The following XAB2 variants were observed in gnomAD, a reference collection of about 807,000 sequenced individuals.
The protein encoded by XAB2 is pre-mRNA-splicing factor SYF1.
XAB2 carries 57 observed loss-of-function variants against 113.4 expected under a neutral mutation model. That is an observed-to-expected ratio of 0.50 (90% CI 0.41 to 0.63). The LOEUF (loss-of-function observed/expected upper bound fraction) is 0.63, where lower values mean the gene tolerates loss of function less well. XAB2 is among the 20% of genes least tolerant of loss of function. The pLI is 0.00. For missense variants in XAB2, 1,037 were observed against 1,233.3 expected (o/e 0.84, Z 2.38); for synonymous variants, 497 against 498.8 (o/e 1.00, Z 0.05).
chr19:7,625,978 C>T lies in XAB2; in HGVS notation c.724G>A (p.Ala242Thr), dbSNP rs1372182545. ...PDKVQSLNVD[A>T]IIRGGLTRFT... is the part of the protein sequence containing the mutation. Reference sequence around the variant, plus strand: ...CGGGTGAGGCCCCCGCGGATGATGGCGTCCACATTGAGGGACTGTACCTTG... The same window carrying T: ...CGGGTGAGGCCCCCGCGGATGATGGTGTCCACATTGAGGGACTGTACCTTG... The change falls in exon 6 of 19, where the codon GCC becomes ACC. Residue 242 changes from alanine (A) to threonine (T), a missense_variant. Ala to Thr is a moderately conservative substitution (Grantham distance 58). Transcript: ENST00000358368. The surrounding 1 kb of genome is among the most constrained non-coding windows in gnomAD (Gnocchi z 5.2). The T allele has an allele frequency of 1.2e-6, 2 of 1,613,820 alleles. No individual in the cohort carries two copies. The highest frequency in any genetic ancestry group is 2.2e-5 in the East Asian group (1 of 44,880).
chr19:7,627,436 G>GATTAC lies in XAB2; in HGVS notation c.328_329insGTAAT (p.Pro110ArgfsTer7). On this transcript the variant is annotated frameshift_variant, in exon 4 of 19. Coordinates refer to ENST00000358368, the MANE Select transcript of XAB2 (RefSeq NM_020196.3). LOFTEE classifies it high-confidence loss of function. This position sits in a 1 kb window ranked among gnomAD's most constrained non-coding sequence, Gnocchi z 4.5. ...CTGGCAGTAATCTAGCCACAGACGAGGCATCTGGGGGTGTGGGGAGAGGCG... is the reference window on the plus strand; with the variant it reads ...CTGGCAGTAATCTAGCCACAGACGAGATTACGCATCTGGGGGTGTGGGGAGAGGCG... The GATTAC allele has an allele frequency of 6.2e-7, 1 of 1,603,616 alleles. No homozygotes were observed. The highest frequency in any genetic ancestry group is 8.5e-7 in the Non-Finnish European group (1 of 1,176,320).
rs201307127 is a variant in XAB2, at chr19:7,621,288, G to A, written c.1627C>T (p.Arg543Cys). The A allele has an allele frequency of 3.0e-4, 484 of 1,612,692 alleles. 1 individual carries two copies. The highest frequency in any genetic ancestry group is 1.0e-4 in the Non-Finnish European group (123 of 1,179,924). The change falls in exon 13 of 19, where the codon CGC becomes TGC. Residue 543 changes from arginine (R) to cysteine (C), a missense_variant. Arg to Cys is a radical substitution (Grantham distance 180). Coordinates refer to ENST00000358368, the MANE Select transcript of XAB2 (RefSeq NM_020196.3). Reference sequence around the variant, plus strand: ...GGCCACTTGAACAGCGAGATGCCGCGCTCGTACGCCTGTTACCAGAGGGAG... The same window carrying A: ...GGCCACTTGAACAGCGAGATGCCGCACTCGTACGCCTGTTACCAGAGGGAG... ...YFEESFKAYE[R>C]GISLFKWPNV...
Position 7,628,997 on chromosome 19 carries a change from T to G in XAB2, c.51+480A>C, listed in dbSNP as rs1293077621. On this transcript the variant is annotated intron_variant, in intron 1 of 18. Coordinates refer to ENST00000358368, the MANE Select transcript of XAB2 (RefSeq NM_020196.3). This position sits in a 1 kb window ranked among gnomAD's most constrained non-coding sequence, Gnocchi z 4.6. ...AGTAAGTATTTCACTGGCCATCGCCTGACAAGCTCCACATCACCAGGGTTC... is the reference window on the plus strand; with the variant it reads ...AGTAAGTATTTCACTGGCCATCGCCGGACAAGCTCCACATCACCAGGGTTC... 2.0e-5 allele frequency among the ~76,000 whole-genome samples: 3 copies of G among 152,186 alleles called. No homozygotes were observed. Among genetic ancestry groups the G allele is most frequent in the African/African-American group, 7.2e-5 (3 of 41,450 alleles).
At position 7,623,891 on chromosome 19, in the gene XAB2, C is replaced by A. The variant is rs754469823; in HGVS notation, c.968-9G>T. The A allele has an allele frequency of 1.9e-6, 3 of 1,556,032 alleles. No individual in the cohort carries two copies. Among genetic ancestry groups the A allele is most frequent in the East Asian group, 2.3e-5 (1 of 42,702 alleles). ...CTCCAGGTCCACATCATCTGGGAGCCGCGAACATGTTTGTCAGGGGCGGAG... is the reference window on the plus strand; with the variant it reads ...CTCCAGGTCCACATCATCTGGGAGCAGCGAACATGTTTGTCAGGGGCGGAG... On this transcript the variant is annotated splice_polypyrimidine_tract_variant and intron_variant, in intron 7 of 18. Transcript: ENST00000358368. This position sits in a 1 kb window ranked among gnomAD's most constrained non-coding sequence, Gnocchi z 4.6.
chr19:7,620,440 C>A lies in XAB2; in HGVS notation c.2101G>T (p.Gly701Cys). ...CSQICDPRTT[G>C]AFWQTWKDFE... Reference sequence around the variant, plus strand: ...TCCTTCCACGTCTGCCAGAACGCGCCGGTCGTCTGCGTGGGGGGCAGGGCA... The same window carrying A: ...TCCTTCCACGTCTGCCAGAACGCGCAGGTCGTCTGCGTGGGGGGCAGGGCA... Residue 701 changes from glycine (G) to cysteine (C), a missense_variant, in exon 16 of 19, where the codon GGC becomes TGC. By Grantham distance (159) the Gly-to-Cys change is radical. Transcript: ENST00000358368. The A allele has an allele frequency of 6.2e-6, 10 of 1,608,568 alleles. No homozygotes were observed. Among genetic ancestry groups the A allele is most frequent in the African/African-American group, 5.3e-5 (4 of 74,992 alleles).
At chr19:7,622,690 C>T (rs201341183) in intron 10 of XAB2, 29 bp from the exon 11 acceptor site, 205 of 1,612,008 alleles carry the variant, frequency 1.3e-4, no homozygotes, top group Middle Eastern at 9.9e-4. Flanking sequence ...GCCGGGGAGG[C>T]GCTCAGGGGC....
At chr19:7,622,929 C>A in intron 9 of XAB2, 36 bp from the exon 10 acceptor site, 1 of 1,606,566 alleles carries the variant, frequency 6.2e-7, no homozygotes, top group Non-Finnish European at 8.5e-7. Flanking sequence ...TGAGACCCTG[C>A]CCACCTGGAC....
Position 7,626,100 on chromosome 19 carries a change from C to T in XAB2, c.657+36G>A, listed in dbSNP as rs771596564. ...TCAGGCTCAGTCATGGAGGGGGTGG[C>T]CCTCCCACCCAGTTGCCGGCTCCCG... is the stretch of plus-strand genomic sequence containing the variant. On this transcript the variant is annotated intron_variant, in intron 5 of 18. Transcript: ENST00000358368. 61 of 1,611,920 alleles carry T rather than the reference C, an allele frequency of 3.8e-5. 1 individual carries two copies. The Middle Eastern group carries it at 9.9e-4, about 26-fold the overall frequency.
rs200029139 is a variant in XAB2, at chr19:7,627,194, G to A, written c.522+49C>T. On this transcript the variant is annotated intron_variant, in intron 4 of 18. Coordinates refer to ENST00000358368, the MANE Select transcript of XAB2 (RefSeq NM_020196.3). This position sits in a 1 kb window ranked among gnomAD's most constrained non-coding sequence, Gnocchi z 4.5. ...TACGCGGAGCTAGTGTCACAGTGAGGCCGTTTCTGGAAACTAACCTGGGGA... is the reference window on the plus strand; with the variant it reads ...TACGCGGAGCTAGTGTCACAGTGAGACCGTTTCTGGAAACTAACCTGGGGA... The A allele has an allele frequency of 3.2e-5, 51 of 1,597,828 alleles. No homozygotes were observed. In the African/African-American group the frequency reaches 6.0e-4, roughly 19 times the overall value.
rs2030988332 is a variant in XAB2 at position 7,619,818 on chromosome 19, T to C, written c.2435A>G (p.Gln812Arg). The change falls in exon 18 of 19, where the codon CAG becomes CGG. Residue 812 changes from glutamine to arginine, a missense_variant. Gln to Arg is a conservative substitution (Grantham distance 43, BLOSUM62 1). Coordinates refer to ENST00000358368, the MANE Select transcript of XAB2 (RefSeq NM_020196.3). Reference sequence around the variant, plus strand: ...CTGGATCTCCTCGGGGTTGACCTGCTGTGCCAGCTCTGCCAGCTCCTCCCG... The same window carrying C: ...CTGGATCTCCTCGGGGTTGACCTGCCGTGCCAGCTCTGCCAGCTCCTCCCG... ...ASREELAELA[Q>R]QVNPEEIQLG... The C allele has an allele frequency of 1.2e-6, 2 of 1,613,390 alleles. No individual in the cohort carries two copies. Among genetic ancestry groups the C allele is most frequent in the Non-Finnish European group, 1.7e-6 (2 of 1,179,938 alleles).
intron 4 of XAB2, among the ~76,000 whole-genome samples, chr19:7,626,715 TCAGCCTTGATCCCATGGGTC>T (rs2031147656): frequency 6.6e-6 from 1 of 151,546 alleles, no homozygotes; most frequent in African/African-American, 2.4e-5. Flanking sequence ...CCCCTTTGGG[TCAGCCTTGATCCCATGGGTC>T]CAGCCTTGAC....
Position 7,627,660 on chromosome 19 carries a change from T to TCCCCCCC in XAB2, c.324+67_324+68insGGGGGGG. The TCCCCCCC allele has an allele frequency of 1.0e-5, 16 of 1,572,240 alleles. No individual in the cohort carries two copies. Among genetic ancestry groups the TCCCCCCC allele is most frequent in the Non-Finnish European group, 1.3e-5 (15 of 1,147,948 alleles). ...CCTAACATGCTGAGCCCAGCCCCTG[T>TCCCCCCC]CCCCGCCCCACCCACCACCATGGAC... On this transcript the variant is annotated intron_variant, in intron 3 of 18. Coordinates refer to ENST00000358368, the MANE Select transcript of XAB2 (RefSeq NM_020196.3). This position sits in a 1 kb window ranked among gnomAD's most constrained non-coding sequence, Gnocchi z 4.5.
At chr19:7,622,246 G>T in intron 12 of XAB2, 85 bp downstream of exon 12, 2 of 1,260,868 alleles carry the variant, frequency 1.6e-6, no homozygotes, top group Non-Finnish European at 2.3e-6. Flanking sequence ...TGTCACACAA[G>T]CCCCAGCAGA....
intron 12 of XAB2, chr19:7,621,905 C>A: frequency 4.7e-6 from 1 of 211,204 alleles, no homozygotes; most frequent in Non-Finnish European, 9.7e-6. Flanking sequence ...TGAACTGTGC[C>A]CCCCTCAAAA....
At chr19:7,622,167 TG>T in intron 12 of XAB2, 163 bp downstream of exon 12, 2 of 684,658 alleles carry the variant, frequency 2.9e-6, no homozygotes, top group Non-Finnish European at 4.9e-6. Context: ...GCCTCGATCC[TG>T]GACTTCCAGC....
intron 13 of XAB2, 40 bp downstream of exon 13, chr19:7,621,095 G>GGCCCCCCCCCCCCCCCCCCCCCCCCCCC: frequency 1.3e-6 from 2 of 1,486,304 alleles, no homozygotes; most frequent in African/African-American, 1.4e-5. Flanking sequence ...CAGAAACCCA[G>GGCCCCCCCCCCCCCCCCCCCCCCCCCCC]CCCGCCCGCC....
chr19:7,620,126 C>A (rs375392651), intron 16 of XAB2, 51 bp from the exon 17 acceptor site: 2 of 1,599,998 alleles, frequency 1.3e-6, no homozygotes, highest in African/African-American at 2.7e-5. Context: ...TCCCACACAT[C>A]GGACGTTGCA....
intron 12 of XAB2, chr19:7,621,598 C>A (rs2031035500): frequency 2.3e-6 from 1 of 436,180 alleles, no homozygotes. Flanking sequence ...GGCTGCCTGT[C>A]CCCAGGGAGA....
rs772988580 is a variant in XAB2, at chr19:7,622,541, C to T, written c.1492G>A (p.Gly498Ser). Reference sequence around the variant, plus strand: ...CACAGGCAGCTCACCTGGAAGGTGCCGAGGCTCTCCTCCAGGTCGGCGAGC... The same window carrying T: ...CACAGGCAGCTCACCTGGAAGGTGCTGAGGCTCTCCTCCAGGTCGGCGAGC... Reference protein sequence around the residue: ...SMLADLEESLGTFQSTKAVYD... With the variant: ...SMLADLEESLSTFQSTKAVYD... Residue 498 changes from glycine (G) to serine (S), a missense_variant, in exon 11 of 19, where the codon GGC becomes AGC. By Grantham distance (56) the Gly-to-Ser change is moderately conservative. Transcript: ENST00000358368. 21 of 1,613,688 alleles carry T rather than the reference C, an allele frequency of 1.3e-5. No individual in the cohort carries two copies. The highest frequency in any genetic ancestry group is 1.6e-4 in the Middle Eastern group (1 of 6,084).
Sources: allele counts gnomAD v4.1 joint callset (sites outside exome capture counted in the v4.1 genomes callset), GRCh38; gene constraint gnomAD v4.1.1; non-coding constraint Gnocchi (gnomAD v3.1); transcripts MANE v1.5; gene names NCBI Gene and HGNC (gene_info 2026-07-23, HGNC 2026-07-21).